Variants in MARCHF1 observed in about 807,000 individuals in gnomAD.
MARCHF1 encodes the protein E3 ubiquitin-protein ligase MARCHF1.
A neutral mutation model predicts 54.2 loss-of-function variants in MARCHF1; 40 were observed. The observed-to-expected ratio is 0.74, with a 90% CI of 0.57 to 0.96. The LOEUF (loss-of-function observed/expected upper bound fraction) is 0.96. MARCHF1 is among the 40% of genes least tolerant of loss of function. The pLI, the probability that MARCHF1 is intolerant of heterozygous loss-of-function variation, is 0.00. For missense variants in MARCHF1, 586 were observed against 656.5 expected, an observed-to-expected ratio of 0.89 and a Z score of 1.17; for synonymous variants, 236 against 236.3, an observed-to-expected ratio of 1.00 and a Z score of 0.01.
intron 2 of MARCHF1, among the ~76,000 whole-genome samples, chr4:163,991,883 C>T (rs185601207): frequency 6.6e-6 from 1 of 152,088 alleles, no homozygotes; most frequent in African/African-American, 2.4e-5. Context: ...CCTCTGGCTC[C>T]AAAATTTGGC....
chr4:163,723,478 T>C (rs1745546791), intron 4 of MARCHF1, among the ~76,000 whole-genome samples: 1 of 152,224 alleles, frequency 6.6e-6, no homozygotes, highest in African/African-American at 2.4e-5. Flanking sequence ...ATTTCAACTT[T>C]GGTGAATCTG....
At chr4:164,176,958 CT>C (rs1730683426) in intron 1 of MARCHF1, among the ~76,000 whole-genome samples, 4 of 40,398 alleles carry the variant, frequency 9.9e-5, no homozygotes, top group East Asian at 1.1e-3. Context: ...CTCTCTCTCT[CT>C]CTCTCTCTCT....
chr4:163,677,596 A>G (rs1007689182), intron 5 of MARCHF1, among the ~76,000 whole-genome samples: 3 of 152,228 alleles, frequency 2.0e-5, no homozygotes, highest in African/African-American at 7.2e-5. Context: ...ACAAACAAAC[A>G]AAGATGCCTA....
chr4:163,620,606 CAGAGAGAGAGAG>C (rs138054709), intron 5 of MARCHF1, among the ~76,000 whole-genome samples: 2,015 of 56,790 alleles, frequency 0.035, 49 homozygotes, highest in African/African-American at 0.063. Flanking sequence ...CACACACACA[CAGAGAGAGAGAG>C]AGAGAGAGAG....
chr4:163,673,642 T>C (rs1264801008), intron 5 of MARCHF1, among the ~76,000 whole-genome samples: 1 of 152,160 alleles, frequency 6.6e-6, no homozygotes, highest in Non-Finnish European at 1.5e-5. Context: ...GAAATAAAGC[T>C]GTGATTTACT....
intron 3 of MARCHF1, among the ~76,000 whole-genome samples, chr4:163,962,580 A>C (rs1281088804): frequency 6.6e-6 from 1 of 151,946 alleles, no homozygotes; most frequent in Non-Finnish European, 1.5e-5. Context: ...ACAACTGTGA[A>C]GGAAATGTAC....
intron 5 of MARCHF1, among the ~76,000 whole-genome samples, chr4:163,668,633 T>C (rs910697843): frequency 6.6e-6 from 1 of 152,122 alleles, no homozygotes; most frequent in Non-Finnish European, 1.5e-5. Context: ...ATGTTAATTA[T>C]TGTTGAATCA....
rs112891041 is a variant in MARCHF1 at position 164,129,439 on chromosome 4, G to A, written c.-322-17777C>T. Among the ~76,000 whole-genome samples, 1,308 of 151,578 alleles carry A rather than the reference G, an allele frequency of 8.6e-3. 13 individuals carry two copies. Among genetic ancestry groups the A allele is most frequent in the East Asian group, 0.044 (222 of 5,054 alleles). On this transcript the variant is annotated intron_variant, in intron 1 of 9. Coordinates refer to ENST00000514618, the MANE Select transcript of MARCHF1 (RefSeq NM_001394959.1). ...AAATTTGTATTTTCCTATTCTATGT[G>A]GCTACAGTTAAGCAAAAACAGAAAT...
intron 8 of MARCHF1, among the ~76,000 whole-genome samples, chr4:163,573,459 C>T (rs1302051076): frequency 1.9e-5 from 2 of 105,554 alleles, no homozygotes; most frequent in East Asian, 3.5e-4. Context: ...CTATCCCTCC[C>T]CCCTCCCCCC....
chr4:164,007,493 T>A (rs1356689075), intron 2 of MARCHF1, among the ~76,000 whole-genome samples: 1 of 151,862 alleles, frequency 6.6e-6, no homozygotes, highest in Non-Finnish European at 1.5e-5. Flanking sequence ...AATTCTAGGA[T>A]GAAGCCCATA....
chr4:163,753,335 A>G (rs908254582), intron 4 of MARCHF1, among the ~76,000 whole-genome samples: 17 of 152,124 alleles, frequency 1.1e-4, no homozygotes, highest in African/African-American at 3.9e-4. Context: ...TTTTACTGTA[A>G]GGAACAATTA....
chr4:163,548,391 TA>T (rs1255617162), intron 8 of MARCHF1, among the ~76,000 whole-genome samples: 1 of 148,012 alleles, frequency 6.8e-6, no homozygotes, highest in Non-Finnish European at 1.5e-5. Flanking sequence ...TTGGGACTTC[TA>T]TCTATGGAGC....
intron 1 of MARCHF1, among the ~76,000 whole-genome samples, chr4:164,163,230 A>C (rs1286538669): frequency 6.6e-6 from 1 of 152,052 alleles, no homozygotes; most frequent in African/African-American, 2.4e-5. Flanking sequence ...TTCAATAAAA[A>C]TAAGACTCTA....
At chr4:163,988,801 T>C (rs1249972303) in intron 2 of MARCHF1, 92 bp from the exon 3 acceptor site, 1 of 151,832 alleles carries the variant, frequency 6.6e-6, no homozygotes, top group Non-Finnish European at 1.5e-5. Context: ...GAAAGGGGAG[T>C]TAAAAGAAAT....
At chr4:163,957,860 G>A (rs1391354811) in intron 3 of MARCHF1, among the ~76,000 whole-genome samples, 2 of 151,934 alleles carry the variant, frequency 1.3e-5, no homozygotes, top group East Asian at 3.9e-4. Flanking sequence ...TCTCTTCACA[G>A]GCTCCTGCAA....
chr4:164,202,093 A>C (rs1731471210), intron 1 of MARCHF1, among the ~76,000 whole-genome samples: 1 of 152,232 alleles, frequency 6.6e-6, no homozygotes, highest in Non-Finnish European at 1.5e-5. Context: ...AAAAACATGC[A>C]AAACATTATG....
intron 2 of MARCHF1, among the ~76,000 whole-genome samples, chr4:164,058,555 A>G (rs1381754481): frequency 6.6e-6 from 1 of 152,132 alleles, no homozygotes; most frequent in Non-Finnish European, 1.5e-5. Context: ...TTATATTTGA[A>G]TTTATGTTTT....
chr4:163,795,819 A>G (rs1471836030), intron 4 of MARCHF1, among the ~76,000 whole-genome samples: 1 of 152,224 alleles, frequency 6.6e-6, no homozygotes, highest in Non-Finnish European at 1.5e-5. Context: ...CCAAAAACTT[A>G]ACAACTATAG....
At chr4:164,129,441 C>T (rs780936280) in intron 1 of MARCHF1, among the ~76,000 whole-genome samples, 20 of 151,328 alleles carry the variant, frequency 1.3e-4, no homozygotes, top group Non-Finnish European at 2.6e-4. Flanking sequence ...TTCTATGTGG[C>T]TACAGTTAAG....
Sources: allele counts gnomAD v4.1 joint callset (sites outside exome capture counted in the v4.1 genomes callset), GRCh38; gene constraint gnomAD v4.1.1; transcripts MANE v1.5; gene names NCBI Gene and HGNC (gene_info 2026-07-23, HGNC 2026-07-21).